The following NSD2 variants were observed in gnomAD, a reference collection of about 807,000 sequenced individuals.
NSD2 encodes nuclear receptor binding SET domain protein 2.
Under a neutral mutation model 139.0 loss-of-function variants are expected in NSD2, and 12 were observed. That is an observed-to-expected ratio of 0.09 (90% CI 0.06 to 0.14). NSD2 has a LOEUF of 0.14. Among genes scored for constraint, NSD2 ranks in the 10% least tolerant of loss-of-function variants. NSD2 has a pLI of 1.00. For synonymous variants in NSD2, 669 were observed against 648.7 expected, an observed-to-expected ratio of 1.03 and a Z score of -0.48; for missense variants, 1,155 against 1,745.0, an observed-to-expected ratio of 0.66 and a Z score of 6.02.
rs576354074 is a variant in NSD2, at chr4:1,980,975, C to T, written c.*2066C>T. On this transcript the variant is annotated 3_prime_UTR_variant, in exon 22 of 22. Coordinates refer to ENST00000508803, the MANE Select transcript of NSD2 (RefSeq NM_001042424.3). ...CTTAGAGTCGAAGGCCCCAGGGCCC[C>T]GCTGTCACTTGCCCAAAAGATCCCT... 8 of 233,238 alleles carry T rather than the reference C, an allele frequency of 3.4e-5. No homozygotes were observed. Among genetic ancestry groups the T allele is most frequent in the South Asian group, 3.6e-4 (2 of 5,526 alleles). The allele number at this position is 233,238 out of a possible 1,614,324, so 14.4% of individuals were successfully genotyped here. A position where few individuals can be genotyped will look rare whatever the true frequency, so the allele number is the denominator to read the frequency against.
rs759969282 is a variant in NSD2, at chr4:1,981,696, T to TTGTC, written c.*2793_*2796dup. 5.1e-6 allele frequency: 2 copies of TTGTC among 395,192 alleles called. No individual in the cohort carries two copies. The highest frequency in any genetic ancestry group is 2.1e-5 in the African/African-American group (1 of 48,606). 24.5% of individuals were successfully genotyped at this position (395,192 alleles called of 1,614,324 possible). The stretch of plus-strand genomic sequence containing the variant: ...GCTGGCTGGGTCCCCTTCGCAGTGT[T>TTGTC]TGTCTGTCTTGACATCTAAACCCCG... On this transcript the variant is annotated 3_prime_UTR_variant, in exon 22 of 22. Coordinates refer to ENST00000508803, the MANE Select transcript of NSD2 (RefSeq NM_001042424.3).
intron 7 of NSD2, among the ~76,000 whole-genome samples, chr4:1,936,417 T>A (rs2108882062): frequency 6.6e-6 from 1 of 152,300 alleles, no homozygotes; most frequent in East Asian, 1.9e-4. Context: ...ACACCTGTAA[T>A]CCCAGCACTT....
intron 1 of NSD2, among the ~76,000 whole-genome samples, chr4:1,872,128 C>A (rs1377078588): frequency 6.6e-6 from 1 of 151,946 alleles, no homozygotes; most frequent in Admixed American, 6.5e-5. Context: ...TCGCGGCGCC[C>A]GGGCGTTGGT....
At chr4:1,872,587 TGTGTGAGAGAGAGAGAGAGAGAGAGAGA>T (rs1218787842) in intron 1 of NSD2, among the ~76,000 whole-genome samples, 3 of 50,086 alleles carry the variant, frequency 6.0e-5, no homozygotes, top group African/African-American at 1.8e-4. Flanking sequence ...TGTGTGTGTG[TGTGTGAGAGAGAGAGAGAGAGAGAGAGA>T]GAGAGAGAGA....
At chr4:1,968,374 C>T (rs1726098302) in intron 18 of NSD2, among the ~76,000 whole-genome samples, 1 of 152,192 alleles carries the variant, frequency 6.6e-6, no homozygotes, top group African/African-American at 2.4e-5. Context: ...CACTAATGGT[C>T]ACAGGGAGCA....
At chr4:1,881,485 G>C (rs879521650) in intron 1 of NSD2, among the ~76,000 whole-genome samples, 1 of 152,052 alleles carries the variant, frequency 6.6e-6, no homozygotes, top group Admixed American at 6.6e-5. Context: ...GGATGGTCTC[G>C]ATCTCCTGAC....
chr4:1,981,414 C>T lies in NSD2; in HGVS notation c.*2505C>T, dbSNP rs974602723. 1 of 233,826 alleles carries T rather than the reference C, an allele frequency of 4.3e-6. No individual in the cohort carries two copies. Among genetic ancestry groups the T allele is most frequent in the Non-Finnish European group, 8.4e-6 (1 of 118,442 alleles). 14.5% of individuals were successfully genotyped at this position (233,826 alleles called of 1,614,324 possible). A position where few individuals can be genotyped will look rare whatever the true frequency, so the allele number is the denominator to read the frequency against. On this transcript the variant is annotated 3_prime_UTR_variant, in exon 22 of 22. Transcript: ENST00000508803. Reference sequence around the variant, plus strand: ...TTTGTTCTGAGGACGTGGTGACTTCCTGAACATCAGCTTCAATCCTCCATC... The same window carrying T: ...TTTGTTCTGAGGACGTGGTGACTTCTTGAACATCAGCTTCAATCCTCCATC...
In NSD2 at chr4:1,900,721, C is replaced by A; in HGVS notation, c.67C>A (p.Gln23Lys). 6.2e-7 allele frequency: 1 copy of A among 1,613,734 alleles called. No homozygotes were observed. Among genetic ancestry groups the A allele is most frequent in the Non-Finnish European group, 8.5e-7 (1 of 1,179,862 alleles). ...TGTTGTAAAGTGCATAAAGATGAAG[C>A]AGGCACCAGAAATCCTCGGCAGTGC... ...QSVVKCIKMK[Q>K]APEILGSANG... Residue 23 changes from glutamine (Q) to lysine (K), a missense_variant, in exon 2 of 22, where the codon CAG (glutamine) becomes AAG (lysine). This residue lies in a region of NSD2 where 246 missense variants were observed against 262.8 expected (regional missense o/e 0.94). Coordinates refer to ENST00000508803, the MANE Select transcript of NSD2 (RefSeq NM_001042424.3).
At chr4:1,872,589 T>TGAGAGAGA (rs1246397052) in intron 1 of NSD2, among the ~76,000 whole-genome samples, 88 of 44,284 alleles carry the variant, frequency 2.0e-3, no homozygotes, top group East Asian at 7.1e-3. Flanking sequence ...TGTGTGTGTG[T>TGAGAGAGA]GTGAGAGAGA....
Position 1,958,146 on chromosome 4 carries a change from AGGATCTGT to A in NSD2, c.2985+113_2985+120del. The A allele has an allele frequency of 8.9e-7, 1 of 1,118,238 alleles. No individual in the cohort carries two copies. Among genetic ancestry groups the A allele is most frequent in the South Asian group, 1.4e-5 (1 of 69,318 alleles). The allele number at this position is 1,118,238 out of a possible 1,614,324, so 69.3% of individuals were successfully genotyped here. A position where few individuals can be genotyped will look rare whatever the true frequency, so the allele number is the denominator to read the frequency against. ...GCTGGGGAGAGGACTGTCACCAGCC[AGGATCTGT>A]GGTGCCTGGCATGGATGGCCACACA... On this transcript the variant is annotated intron_variant, in intron 16 of 21. Coordinates refer to ENST00000508803, the MANE Select transcript of NSD2 (RefSeq NM_001042424.3). The surrounding 1 kb of genome is among the most constrained non-coding windows in gnomAD (Gnocchi z 4.6).
chr4:1,943,702 G>A (rs1560721541), intron 9 of NSD2: 1 of 1,051,390 alleles, frequency 9.5e-7, no homozygotes, highest in Admixed American at 5.5e-5. Context: ...ACATGAAAAA[G>A]CTCAAGAGTA....
At chr4:1,882,319 C>T (rs1483679405) in intron 1 of NSD2, among the ~76,000 whole-genome samples, 1 of 152,164 alleles carries the variant, frequency 6.6e-6, no homozygotes, top group Non-Finnish European at 1.5e-5. Flanking sequence ...ATCGTGTTCC[C>T]TTTCTCTTGT....
At chr4:1,961,418 C>T (rs370179695) in intron 18 of NSD2, among the ~76,000 whole-genome samples, 16 of 152,220 alleles carry the variant, frequency 1.1e-4, no homozygotes, top group African/African-American at 3.4e-4. Flanking sequence ...AGCCTTAGTA[C>T]AGGGCAGGGA....
chr4:1,961,333 A>G (rs139057631), intron 18 of NSD2, among the ~76,000 whole-genome samples, 182 bp downstream of exon 18: 313 of 152,302 alleles, frequency 2.1e-3, no homozygotes, highest in African/African-American at 7.3e-3. Flanking sequence ...CCGGAGGGCT[A>G]GAGCTAACCA....
At chr4:1,975,840 G>A (rs1727017187) in intron 20 of NSD2, among the ~76,000 whole-genome samples, 1 of 152,140 alleles carries the variant, frequency 6.6e-6, no homozygotes, top group Non-Finnish European at 1.5e-5. Context: ...TTGACTTAGC[G>A]CCTGCCCTGC....
intron 9 of NSD2, chr4:1,940,541 T>A (rs1386698673): frequency 1.9e-6 from 2 of 1,064,498 alleles, no homozygotes; most frequent in African/African-American, 3.3e-5. Context: ...GTTTCCTGAT[T>A]TTTAGGGATT....
In NSD2 at chr4:1,976,763, C is replaced by T; in HGVS notation, c.3826+84C>T. 1 of 1,430,508 alleles carries T rather than the reference C, an allele frequency of 7.0e-7. No individual in the cohort carries two copies. The highest frequency in any genetic ancestry group is 2.2e-5 in the Admixed American group (1 of 45,784). 88.6% of individuals were successfully genotyped at this position (1,430,508 alleles called of 1,614,324 possible). ...CGGCTGCTGCCGCTCTTCCTGCTGA[C>T]CGGGCCTCATCTGGGTGCAGGCACA... On this transcript the variant is annotated intron_variant, in intron 21 of 21. Coordinates refer to ENST00000508803, the MANE Select transcript of NSD2 (RefSeq NM_001042424.3). The surrounding 1 kb of genome is among the most constrained non-coding windows in gnomAD (Gnocchi z 5.3).
rs1726611286 is a variant in NSD2, at chr4:1,972,616, C to A, written c.3373-2247C>A. Among the ~76,000 whole-genome samples the A allele has an allele frequency of 6.6e-6, 1 of 152,222 alleles. No homozygotes were observed. The highest frequency in any genetic ancestry group is 6.5e-5 in the Admixed American group (1 of 15,284). ...CAGCCCACGTACCACGCACTGATGC[C>A]TCCCCTCACACCACTTATAAAGGCC... On this transcript the variant is annotated intron_variant, in intron 18 of 21. Coordinates refer to ENST00000508803, the MANE Select transcript of NSD2 (RefSeq NM_001042424.3). This position sits in a 1 kb window ranked among gnomAD's most constrained non-coding sequence, Gnocchi z 4.0.
intron 18 of NSD2, among the ~76,000 whole-genome samples, chr4:1,965,827 A>C (rs1232301912): frequency 6.6e-6 from 1 of 152,198 alleles, no homozygotes; most frequent in Non-Finnish European, 1.5e-5. Context: ...AAACCATCAG[A>C]TCTTGAGAGA....
Sources: allele counts gnomAD v4.1 joint callset (sites outside exome capture counted in the v4.1 genomes callset), GRCh38; gene constraint gnomAD v4.1.1; regional missense constraint gnomAD v4.1.1; non-coding constraint Gnocchi (gnomAD v3.1); transcripts MANE v1.5; gene names NCBI Gene and HGNC (gene_info 2026-07-23, HGNC 2026-07-21).